The following EPHB2 variants were observed in gnomAD, a reference collection of about 807,000 sequenced individuals.
EPHB2 encodes the protein EPH receptor B2.
In EPHB2, 18 loss-of-function variants were observed where a neutral mutation model predicts 96.4. The ratio of observed to expected loss-of-function variants is 0.19; its 90% CI spans 0.13 to 0.28. The LOEUF is 0.28. Ranked by LOEUF, EPHB2 falls within the 10% of genes least tolerant of loss-of-function variation. The probability of loss-of-function intolerance (pLI) is 1.00; values close to 1 mark genes in which losing one functional copy is unlikely to be tolerated. For synonymous variants in EPHB2, 506 were observed against 534.1 expected (o/e 0.95, Z 0.72); for missense variants, 989 against 1,355.4 (o/e 0.73, Z 4.25).
At chr1:22,894,592 C>G (rs1271309576) in intron 7 of EPHB2, among the ~76,000 whole-genome samples, 1 of 148,982 alleles carries the variant, frequency 6.7e-6, no homozygotes, top group African/African-American at 2.5e-5. Flanking sequence ...GTGAAACTCC[C>G]ACTCCAAAAA....
At chr1:22,865,735 G>A (rs75926788) in intron 5 of EPHB2, among the ~76,000 whole-genome samples, 2,200 of 152,242 alleles carry the variant, frequency 0.014, 56 homozygotes, top group African/African-American at 0.05. Context: ...TGCATTCCAC[G>A]GGCAGGGCCT....
At position 22,858,215 on chromosome 1, in the gene EPHB2, G is replaced by T. The variant is rs113772958; in HGVS notation, c.812-4822G>T. Among the ~76,000 whole-genome samples the T allele has an allele frequency of 6.8e-6, 1 of 148,134 alleles. No homozygotes were observed. The highest frequency in any genetic ancestry group is 2.4e-5 in the African/African-American group (1 of 41,238). ...GCATTCGATGACCACAGGCAGGAGCGCAGTGAGTGAGAGGAGGAGGGGGAA... is the reference window on the plus strand; with the variant it reads ...GCATTCGATGACCACAGGCAGGAGCTCAGTGAGTGAGAGGAGGAGGGGGAA... On this transcript the variant is annotated intron_variant, in intron 3 of 15. Coordinates refer to ENST00000374630, the MANE Select transcript of EPHB2 (RefSeq NM_017449.5). This position sits in a 1 kb window ranked among gnomAD's most constrained non-coding sequence, Gnocchi z 7.7.
At chr1:22,910,289 A>G (rs1355389500) in intron 13 of EPHB2, 93 bp from the exon 14 acceptor site, 1 of 1,518,924 alleles carries the variant, frequency 6.6e-7, no homozygotes, top group East Asian at 2.3e-5. Flanking sequence ...AATAGGTCAG[A>G]CGTGCAATGT....
intron 3 of EPHB2, among the ~76,000 whole-genome samples, chr1:22,821,102 G>C (rs1247617890): frequency 6.6e-6 from 1 of 152,168 alleles, no homozygotes; most frequent in Non-Finnish European, 1.5e-5. Context: ...ATCTAAGCTG[G>C]CTGCTAACCC....
intron 3 of EPHB2, among the ~76,000 whole-genome samples, chr1:22,802,060 C>T (rs1023916244): frequency 6.6e-6 from 1 of 152,006 alleles, no homozygotes; most frequent in Non-Finnish European, 1.5e-5. Flanking sequence ...GTGGGGTGCT[C>T]GCAGATGGGA....
intron 1 of EPHB2, among the ~76,000 whole-genome samples, chr1:22,739,337 C>T (rs974118363): frequency 6.6e-6 from 1 of 152,094 alleles, no homozygotes; most frequent in Non-Finnish European, 1.5e-5. Context: ...TGCCTTAGAC[C>T]CCCAAGTAAT....
chr1:22,869,978 C>T (rs1638606994), intron 5 of EPHB2, among the ~76,000 whole-genome samples: 1 of 152,182 alleles, frequency 6.6e-6, no homozygotes, highest in Non-Finnish European at 1.5e-5. Context: ...ATTCAGCGAA[C>T]ATTTGCAGAA....
intron 3 of EPHB2, among the ~76,000 whole-genome samples, chr1:22,861,593 C>A (rs1638261302): frequency 6.6e-6 from 1 of 152,096 alleles, no homozygotes; most frequent in Non-Finnish European, 1.5e-5. Flanking sequence ...TGGCTCTGAT[C>A]CTGGGGGAGT....
chr1:22,718,646 C>T (rs1220117790), intron 1 of EPHB2, among the ~76,000 whole-genome samples: 1 of 152,078 alleles, frequency 6.6e-6, no homozygotes, highest in Non-Finnish European at 1.5e-5. Context: ...CCTCGGCCTC[C>T]CAAAGTGCTG....
chr1:22,879,739 T>C (rs1018816784), intron 5 of EPHB2, among the ~76,000 whole-genome samples: 3 of 152,244 alleles, frequency 2.0e-5, no homozygotes, highest in African/African-American at 7.2e-5. Flanking sequence ...CTCAGTGCAC[T>C]GTGGCAGGTG....
intron 3 of EPHB2, among the ~76,000 whole-genome samples, chr1:22,844,901 C>G (rs1052613852): frequency 6.6e-6 from 1 of 152,220 alleles, no homozygotes; most frequent in African/African-American, 2.4e-5. Context: ...GCAAGGTACT[C>G]GGGCCCTGGA....
At chr1:22,901,174 T>A (rs1639736145) in intron 9 of EPHB2, among the ~76,000 whole-genome samples, 1 of 152,250 alleles carries the variant, frequency 6.6e-6, no homozygotes, top group Non-Finnish European at 1.5e-5. Flanking sequence ...AATAGCCAGC[T>A]CTTCTTTGCA....
rs114777293 is a variant in EPHB2 at position 22,792,842 on chromosome 1, G to C, written c.811+7766G>C. 5.0e-3 allele frequency among the ~76,000 whole-genome samples: 764 copies of C among 152,322 alleles called. 10 individuals are homozygous for C. The highest frequency in any genetic ancestry group is 0.017 in the African/African-American group (725 of 41,574). On this transcript the variant is annotated intron_variant, in intron 3 of 15. Transcript: ENST00000374630. ...AGACAGTGAAGGTGCAGGGGGACTG[G>C]GGTTGTGCTGAGGAAAGCAGAGCAG...
intron 3 of EPHB2, among the ~76,000 whole-genome samples, chr1:22,805,101 C>T (rs1644905136): frequency 6.6e-6 from 1 of 151,748 alleles, no homozygotes; most frequent in East Asian, 2.0e-4. Flanking sequence ...TGCCCCCTCT[C>T]CTTGCCCCCA....
intron 13 of EPHB2, among the ~76,000 whole-genome samples, chr1:22,910,150 C>T (rs550696975): frequency 6.6e-6 from 1 of 152,226 alleles, no homozygotes; most frequent in African/African-American, 2.4e-5. Context: ...ACTGGATTTC[C>T]CAAGATTGGC....
At chr1:22,716,015 G>T (rs1643285204) in intron 1 of EPHB2, among the ~76,000 whole-genome samples, 1 of 152,102 alleles carries the variant, frequency 6.6e-6, no homozygotes, top group Non-Finnish European at 1.5e-5. Context: ...ATTTGTCCAG[G>T]CACCAGATCA....
intron 8 of EPHB2, 49 bp from the exon 9 acceptor site, chr1:22,896,365 T>A: frequency 7.4e-6 from 12 of 1,613,126 alleles, no homozygotes; most frequent in Non-Finnish European, 9.3e-6. Context: ...GGCTCCCAGC[T>A]CCCTGGGCGC....
intron 3 of EPHB2, among the ~76,000 whole-genome samples, chr1:22,830,440 A>C (rs1007731364): frequency 6.6e-6 from 1 of 152,194 alleles, no homozygotes; most frequent in Non-Finnish European, 1.5e-5. Context: ...TGGGCAAGTG[A>C]TATTATCTCC....
chr1:22,813,367 G>A (rs946493018), intron 3 of EPHB2, among the ~76,000 whole-genome samples: 1 of 152,194 alleles, frequency 6.6e-6, no homozygotes, highest in African/African-American at 2.4e-5. Context: ...AGGGTGAGGG[G>A]TCCACTAGGC....
Sources: allele counts gnomAD v4.1 joint callset (sites outside exome capture counted in the v4.1 genomes callset), GRCh38; gene constraint gnomAD v4.1.1; non-coding constraint Gnocchi (gnomAD v3.1); transcripts MANE v1.5; gene names NCBI Gene and HGNC (gene_info 2026-07-23, HGNC 2026-07-21).